The following EFNA5 variants were observed in gnomAD, a reference collection of about 807,000 sequenced individuals.
EFNA5 encodes ephrin-A5.
A neutral mutation model predicts 22.9 loss-of-function variants in EFNA5; 5 were observed. That is an observed-to-expected ratio of 0.22 (90% CI 0.11 to 0.46). The LOEUF is 0.46. Ranked by LOEUF, EFNA5 falls within the 20% of genes least tolerant of loss-of-function variation. EFNA5 has a pLI of 0.99. For missense variants in EFNA5, 237 were observed against 293.3 expected, an observed-to-expected ratio of 0.81 and a Z score of 1.40; for synonymous variants, 113 against 112.2, an observed-to-expected ratio of 1.01 and a Z score of -0.04.
At chr5:107,565,864 AG>A (rs1748655519) in intron 1 of EFNA5, among the ~76,000 whole-genome samples, 1 of 152,240 alleles carries the variant, frequency 6.6e-6, no homozygotes, top group South Asian at 2.1e-4. Flanking sequence ...AAGAAGATGG[AG>A]GAGAAAAAGT....
intron 1 of EFNA5, among the ~76,000 whole-genome samples, chr5:107,661,248 A>C (rs1241757083): frequency 7.2e-5 from 11 of 152,194 alleles, no homozygotes; most frequent in Non-Finnish European, 1.6e-4. Flanking sequence ...GTTGAATAAA[A>C]TTATTGGGAG....
At chr5:107,526,457 A>G (rs549176817) in intron 1 of EFNA5, among the ~76,000 whole-genome samples, 1 of 152,352 alleles carries the variant, frequency 6.6e-6, no homozygotes, top group Admixed American at 6.5e-5. Flanking sequence ...TGACAGGAGA[A>G]AGCAAACAGC....
intron 1 of EFNA5, among the ~76,000 whole-genome samples, chr5:107,503,840 T>A (rs1241744703): frequency 6.6e-6 from 1 of 152,212 alleles, no homozygotes; most frequent in Non-Finnish European, 1.5e-5. Context: ...TTTCTAATAT[T>A]TTATTGTTTT....
chr5:107,413,995 C>T (rs1186114372), intron 2 of EFNA5, among the ~76,000 whole-genome samples: 1 of 152,168 alleles, frequency 6.6e-6, no homozygotes, highest in Non-Finnish European at 1.5e-5. Context: ...TGACATGACC[C>T]TTCCATTTAA....
intron 1 of EFNA5, among the ~76,000 whole-genome samples, chr5:107,459,399 G>T (rs1006944882): frequency 6.7e-6 from 1 of 149,130 alleles, no homozygotes; most frequent in Non-Finnish European, 1.5e-5. Context: ...AAGAAATGTA[G>T]AACAACAAAG....
chr5:107,527,387 A>C (rs1747716870), intron 1 of EFNA5, among the ~76,000 whole-genome samples: 2 of 151,928 alleles, frequency 1.3e-5, no homozygotes. Context: ...CCCAGGTTCA[A>C]GCAATTCTCC....
chr5:107,438,122 T>A (rs568296894), intron 1 of EFNA5, among the ~76,000 whole-genome samples: 42 of 152,352 alleles, frequency 2.8e-4, no homozygotes, highest in African/African-American at 9.9e-4. Flanking sequence ...TAGCCAAAGC[T>A]GCTCTGTAAT....
intron 1 of EFNA5, among the ~76,000 whole-genome samples, chr5:107,433,660 C>G (rs1307275518): frequency 6.6e-6 from 1 of 152,156 alleles, no homozygotes; most frequent in Non-Finnish European, 1.5e-5. Context: ...CTTTGGGAAG[C>G]TGAAGTGGGA....
At chr5:107,569,559 T>TTATATATATATATATATATATATATTTA (rs1748743230) in intron 1 of EFNA5, among the ~76,000 whole-genome samples, 20 of 42,454 alleles carry the variant, frequency 4.7e-4, no homozygotes, top group African/African-American at 1.9e-3. Context: ...ATATATATAT[T>TTATATATATATATATATATATATATTTA]TATATATATA....
At chr5:107,440,586 G>A (rs533301675) in intron 1 of EFNA5, among the ~76,000 whole-genome samples, 1 of 152,284 alleles carries the variant, frequency 6.6e-6, no homozygotes. Context: ...TGAAAACTCA[G>A]CACTGTCAGC....
At chr5:107,647,604 TTTA>T (rs1442904293) in intron 1 of EFNA5, among the ~76,000 whole-genome samples, 1 of 152,148 alleles carries the variant, frequency 6.6e-6, no homozygotes, top group Non-Finnish European at 1.5e-5. Context: ...TTGAACAGCT[TTTA>T]TTAGATAACA....
intron 1 of EFNA5, among the ~76,000 whole-genome samples, chr5:107,667,674 G>C (rs1165849705): frequency 1.3e-5 from 2 of 152,064 alleles, no homozygotes; most frequent in Non-Finnish European, 2.9e-5. Flanking sequence ...ATTATATTCT[G>C]AGGGAAAAAT....
Position 107,420,337 on chromosome 5 carries a change from G to A in EFNA5, c.418+6880C>T, listed in dbSNP as rs573694116. 4.9e-4 allele frequency among the ~76,000 whole-genome samples: 74 copies of A among 151,966 alleles called. 1 individual carries two copies. Among genetic ancestry groups the A allele is most frequent in the Middle Eastern group, 3.4e-3 (1 of 292 alleles). Reference sequence around the variant, plus strand: ...AAGTTGTTATTTTGGCAATCAACTGGTTCCTTAAACAATATTTCATCGAGA... The same window carrying A: ...AAGTTGTTATTTTGGCAATCAACTGATTCCTTAAACAATATTTCATCGAGA... On this transcript the variant is annotated intron_variant, in intron 2 of 4. Coordinates refer to ENST00000333274, the MANE Select transcript of EFNA5 (RefSeq NM_001962.3).
chr5:107,476,014 G>A (rs1242700494), intron 1 of EFNA5, among the ~76,000 whole-genome samples: 2 of 58,658 alleles, frequency 3.4e-5, no homozygotes, highest in Non-Finnish European at 6.2e-5. Flanking sequence ...ACATGAGATG[G>A]AAGATACCAA....
At chr5:107,572,030 A>C (rs1748819871) in intron 1 of EFNA5, among the ~76,000 whole-genome samples, 1 of 152,170 alleles carries the variant, frequency 6.6e-6, no homozygotes, top group East Asian at 1.9e-4. Context: ...CAGCGTGGAC[A>C]GACAGTCATA....
At chr5:107,579,573 C>T (rs957662) in intron 1 of EFNA5, among the ~76,000 whole-genome samples, 25,675 of 151,768 alleles carry the variant, frequency 0.17, 2,558 homozygotes, top group African/African-American at 0.27. Context: ...TGAATAAAAT[C>T]ATTCCATACC....
chr5:107,434,812 T>G (rs116793955), intron 1 of EFNA5, among the ~76,000 whole-genome samples: 2,456 of 152,338 alleles, frequency 0.016, 53 homozygotes, highest in African/African-American at 0.057. Context: ...ACTGGATAGT[T>G]GATTATTACA....
intron 1 of EFNA5, among the ~76,000 whole-genome samples, chr5:107,446,651 G>T (rs1388979034): frequency 2.0e-5 from 3 of 152,140 alleles, no homozygotes; most frequent in African/African-American, 7.2e-5. Context: ...CTACTCAGGA[G>T]GCTGAGGCAG....
At chr5:107,667,814 T>C (rs1333449476) in intron 1 of EFNA5, among the ~76,000 whole-genome samples, 1 of 152,196 alleles carries the variant, frequency 6.6e-6, no homozygotes, top group Non-Finnish European at 1.5e-5. Flanking sequence ...GCTTACTTTA[T>C]GAAATAACAT....
Sources: allele counts gnomAD v4.1 joint callset (sites outside exome capture counted in the v4.1 genomes callset), GRCh38; gene constraint gnomAD v4.1.1; transcripts MANE v1.5; gene names NCBI Gene and HGNC (gene_info 2026-07-23, HGNC 2026-07-21).